The following SCN1A variants were observed in gnomAD, a reference collection of about 807,000 sequenced individuals.
SCN1A encodes sodium channel protein type 1 subunit alpha.
In SCN1A, 13 loss-of-function variants were observed where a neutral mutation model predicts 193.7. The ratio of observed to expected loss-of-function variants is 0.07; its 90% CI spans 0.04 to 0.11. The LOEUF is 0.11. Ranked by LOEUF, SCN1A falls within the 10% of genes least tolerant of loss-of-function variation. The pLI, the probability that SCN1A is intolerant of heterozygous loss-of-function variation, is 1.00. For synonymous variants in SCN1A, 781 were observed against 843.6 expected, an observed-to-expected ratio of 0.93 and a Z score of 1.29; for missense variants, 1,432 against 2,451.1, an observed-to-expected ratio of 0.58 and a Z score of 8.78.
chr2:165,984,915 C>G (rs1688512641), downstream of SCN1A: 1 of 152,060 alleles, frequency 6.6e-6, no homozygotes, highest in Non-Finnish European at 1.5e-5. Flanking sequence ...GTGTTTATAT[C>G]AACAAGATTA....
At chr2:166,116,692 C>G (rs1689908816) in intron 2 of SCN1A, among the ~76,000 whole-genome samples, 1 of 151,626 alleles carries the variant, frequency 6.6e-6, no homozygotes, top group Non-Finnish European at 1.5e-5. Flanking sequence ...TGTCTCAAGA[C>G]TCCTTTTGAT....
At chr2:165,997,460 T>C (rs1484791079) in intron 26 of SCN1A, among the ~76,000 whole-genome samples, 1 of 151,322 alleles carries the variant, frequency 6.6e-6, no homozygotes, top group Admixed American at 6.6e-5. Context: ...ATAATGTACA[T>C]AGGTAATTGG....
chr2:166,143,534 G>A (rs1692184001), intron 1 of SCN1A, among the ~76,000 whole-genome samples: 1 of 152,092 alleles, frequency 6.6e-6, no homozygotes, highest in South Asian at 2.1e-4. Context: ...GTATTTTGGG[G>A]TAAATGAGGA....
intron 1 of SCN1A, among the ~76,000 whole-genome samples, chr2:166,143,292 G>A (rs925558448): frequency 4.7e-5 from 7 of 149,806 alleles, no homozygotes; most frequent in African/African-American, 9.9e-5. Context: ...TCAGCCTCCC[G>A]AGTAGCTGGG....
chr2:166,060,633 A>G (rs1277215674), intron 4 of SCN1A: 1 of 152,098 alleles, frequency 6.6e-6, no homozygotes, highest in African/African-American at 2.4e-5. Context: ...CAAAGTGGGC[A>G]CATCACCTGA....
At position 166,036,433 on chromosome 2, in the gene SCN1A, G is replaced by A. The variant is rs772487501; in HGVS notation, c.3044C>T (p.Ala1015Val). Residue 1015 changes from alanine (A) to valine (V), a missense_variant, in exon 19 of 29, where the codon GCT becomes GTT. Coordinates refer to ENST00000674923, the MANE Select transcript of SCN1A (RefSeq NM_001165963.4). ...DDNEMNNLQI[A>V]VDRMHKGVAY... ...TACTCCTTTGTGCATCCTATCCACAGCAATTTGGAGATTATTCATTTCATT... is the reference window on the plus strand; with the variant it reads ...TACTCCTTTGTGCATCCTATCCACAACAATTTGGAGATTATTCATTTCATT... 2.1e-5 allele frequency: 33 copies of A among 1,606,826 alleles called. No homozygotes were observed. Among genetic ancestry groups the A allele is most frequent in the Non-Finnish European group, 4.2e-6 (5 of 1,177,988 alleles).
Position 166,012,238 on chromosome 2 carries a change from C to A in SCN1A, c.3750G>T (p.Thr1250=), listed in dbSNP as rs771494149. 5 of 1,609,706 alleles carry A rather than the reference C, an allele frequency of 3.1e-6. No homozygotes were observed. The Admixed American group carries it at 8.4e-5, about 27-fold the overall frequency. ...AAACCTTGTCAGCATATTCCAACAT[C>A]GTCTTAATCGTCTTTCGCTGATCAA... ...IYIDQRKTIK[T]MLEYADKVFT... Residue 1250 remains threonine, a synonymous_variant, in exon 22 of 29, where the codon ACG becomes ACT. Coordinates refer to ENST00000674923, the MANE Select transcript of SCN1A (RefSeq NM_001165963.4).
At chr2:166,002,893 C>A (rs575530590) in intron 23 of SCN1A, 140 bp from the exon 24 acceptor site, 5 of 653,552 alleles carry the variant, frequency 7.7e-6, no homozygotes, top group Admixed American at 3.6e-5. Context: ...AAGCAAGGTT[C>A]AAAAAAATCT....
At chr2:166,024,075 C>T (rs1694423029) in intron 19 of SCN1A, among the ~76,000 whole-genome samples, 2 of 151,812 alleles carry the variant, frequency 1.3e-5, no homozygotes, top group African/African-American at 2.4e-5. Flanking sequence ...CGCGCCTGGC[C>T]AAAAATTTTT....
chr2:166,064,530 T>C (rs1287636245), intron 4 of SCN1A, among the ~76,000 whole-genome samples: 1 of 152,184 alleles, frequency 6.6e-6, no homozygotes, highest in East Asian at 1.9e-4. Context: ...TAGAAATTGC[T>C]ATTTATGAAG....
chr2:166,050,070 C>G (rs2105880045), intron 9 of SCN1A, among the ~76,000 whole-genome samples: 1 of 151,974 alleles, frequency 6.6e-6, no homozygotes, highest in East Asian at 1.9e-4. Flanking sequence ...TTCTGACTTC[C>G]TTGAACCTAG....
intron 10 of SCN1A, 76 bp downstream of exon 10, chr2:166,048,810 A>G: frequency 1.0e-6 from 1 of 1,001,690 alleles, no homozygotes; most frequent in Middle Eastern, 2.1e-4. Context: ...TTCAGTTTCT[A>G]TAAAAAGAGA....
At chr2:166,026,849 AATT>A (rs981282324) in intron 19 of SCN1A, among the ~76,000 whole-genome samples, 1 of 151,446 alleles carries the variant, frequency 6.6e-6, no homozygotes, top group Non-Finnish European at 1.5e-5. Context: ...GCACCCGGCT[AATT>A]TTTTGTATTT....
intron 19 of SCN1A, among the ~76,000 whole-genome samples, chr2:166,033,862 T>C (rs1212590636): frequency 6.6e-6 from 1 of 152,212 alleles, no homozygotes; most frequent in Admixed American, 6.5e-5. Flanking sequence ...AGATAGCATA[T>C]GGTAGCCATT....
At chr2:166,113,274 A>C (rs1689492960) in intron 2 of SCN1A, among the ~76,000 whole-genome samples, 1 of 152,194 alleles carries the variant, frequency 6.6e-6, no homozygotes, top group South Asian at 2.1e-4. Flanking sequence ...GTGTGGTTAA[A>C]ACAGTAGTAC....
chr2:166,061,540 A>G (rs561357361), intron 4 of SCN1A, among the ~76,000 whole-genome samples: 2 of 152,320 alleles, frequency 1.3e-5, no homozygotes, highest in South Asian at 4.1e-4. Flanking sequence ...TTTATTATAT[A>G]GTTTCAAATA....
intron 2 of SCN1A, among the ~76,000 whole-genome samples, chr2:166,119,241 C>T (rs537328856): frequency 3.3e-5 from 5 of 152,130 alleles, no homozygotes; most frequent in Non-Finnish European, 7.3e-5. Context: ...ATCTATTTCT[C>T]CTCACACAGA....
intron 2 of SCN1A, among the ~76,000 whole-genome samples, chr2:166,105,903 C>T (rs1252849485): frequency 6.6e-6 from 1 of 152,160 alleles, no homozygotes; most frequent in African/African-American, 2.4e-5. Context: ...GATACAGAAA[C>T]CGGGCCGGGC....
chr2:166,053,315 A>G (rs573443142), intron 7 of SCN1A, among the ~76,000 whole-genome samples: 23 of 152,154 alleles, frequency 1.5e-4, no homozygotes, highest in African/African-American at 4.8e-4. Flanking sequence ...TAAACTTCAT[A>G]AAGTAGACAC....
Sources: gnomAD v4.1 joint callset for allele counts (sites outside exome capture counted in the v4.1 genomes callset) on GRCh38, gnomAD v4.1.1 for gene constraint, MANE v1.5 for transcripts, NCBI Gene and HGNC (gene_info 2026-07-23, HGNC 2026-07-21) for gene names.